Variants in DPP6 observed in about 807,000 individuals in gnomAD.
DPP6 encodes the protein dipeptidyl peptidase like 6, also known as A-type potassium channel modulatory protein DPP6.
DPP6 carries 69 observed loss-of-function variants against 122.6 expected under a neutral mutation model. The ratio of observed to expected loss-of-function variants is 0.56; its 90% CI spans 0.46 to 0.69. The LOEUF (loss-of-function observed/expected upper bound fraction) is 0.69, where lower values mean the gene tolerates loss of function less well. Among genes scored for constraint, DPP6 ranks in the 30% least tolerant of loss-of-function variants. The probability of loss-of-function intolerance (pLI) is 0.00; values close to 1 mark genes in which losing one functional copy is unlikely to be tolerated. For synonymous variants in DPP6, 418 were observed against 433.1 expected (o/e 0.97, Z 0.43); for missense variants, 928 against 1,116.9 (o/e 0.83, Z 2.41).
At chr7:154,292,437 C>T (rs932007525) in intron 1 of DPP6, among the ~76,000 whole-genome samples, 1 of 152,176 alleles carries the variant, frequency 6.6e-6, no homozygotes, top group Non-Finnish European at 1.5e-5. Context: ...TGTCAGCATT[C>T]GTCTGAGCAT....
At chr7:154,507,323 T>C (rs756230506) in intron 3 of DPP6, among the ~76,000 whole-genome samples, 1 of 152,082 alleles carries the variant, frequency 6.6e-6, no homozygotes, top group Non-Finnish European at 1.5e-5. Context: ...AGAATGTGCA[T>C]GTTTGTTACA....
chr7:153,948,854 A>G (rs2129020101), intron 1 of DPP6, among the ~76,000 whole-genome samples: 1 of 149,634 alleles, frequency 6.7e-6, no homozygotes, highest in Admixed American at 6.7e-5. Flanking sequence ...ATAAACAGGC[A>G]CAGGTAAAGA....
chr7:154,223,119 G>A (rs553462414), intron 1 of DPP6, among the ~76,000 whole-genome samples: 1 of 149,056 alleles, frequency 6.7e-6, no homozygotes, highest in South Asian at 2.1e-4. Context: ...ATTTTTGCAT[G>A]TACAAAGTCT....
chr7:154,179,424 C>A (rs912925979), intron 1 of DPP6, among the ~76,000 whole-genome samples: 9 of 152,130 alleles, frequency 5.9e-5, no homozygotes, highest in African/African-American at 2.2e-4. Flanking sequence ...CTTAGAATTT[C>A]TTTTACATTA....
intron 1 of DPP6, among the ~76,000 whole-genome samples, chr7:154,319,157 A>AT (rs1807699114): frequency 6.6e-6 from 1 of 152,190 alleles, no homozygotes; most frequent in South Asian, 2.1e-4. Flanking sequence ...AGTCTTACTG[A>AT]TTTTTTTACA....
intron 1 of DPP6, among the ~76,000 whole-genome samples, chr7:154,003,312 A>G (rs1797768538): frequency 6.6e-6 from 1 of 152,238 alleles, no homozygotes; most frequent in Non-Finnish European, 1.5e-5. Flanking sequence ...TGTCCCAGAT[A>G]ACAGGATGGA....
chr7:153,927,004 AT>A (rs1205041413), intron 1 of DPP6, among the ~76,000 whole-genome samples: 11,233 of 145,566 alleles, frequency 0.077, 408 homozygotes, highest in African/African-American at 0.093. Flanking sequence ...TTTAAGTTAA[AT>A]TTTTTTTTTT....
chr7:154,113,412 TAC>T (rs60229672), intron 1 of DPP6, among the ~76,000 whole-genome samples: 19,764 of 141,522 alleles, frequency 0.14, 1,429 homozygotes, highest in African/African-American at 0.35. Flanking sequence ...TATATATATA[TAC>T]ACACACACAC....
intron 1 of DPP6, among the ~76,000 whole-genome samples, chr7:154,108,553 A>G (rs1563207108): frequency 2.0e-5 from 3 of 152,280 alleles, no homozygotes; most frequent in East Asian, 1.9e-4. Flanking sequence ...TGCGGTGCCT[A>G]GCATCACCTG....
At chr7:154,077,763 C>G (rs1348709000) in intron 1 of DPP6, among the ~76,000 whole-genome samples, 2 of 151,680 alleles carry the variant, frequency 1.3e-5, no homozygotes, top group African/African-American at 4.8e-5. Flanking sequence ...CTCCGCCTCC[C>G]GGGTTCAAGC....
chr7:153,804,386 A>G, the DPP6 span, among the ~76,000 whole-genome samples: 86 of 152,090 alleles, frequency 5.7e-4, no homozygotes, highest in East Asian at 3.9e-3. Context: ...TGCTCTACTC[A>G]TGGTACCGTC....
chr7:154,306,869 C>G (rs544864599), intron 1 of DPP6, among the ~76,000 whole-genome samples: 2 of 152,286 alleles, frequency 1.3e-5, no homozygotes, highest in East Asian at 3.9e-4. Context: ...AAACCCTCCT[C>G]CTTTCAAAAA....
intron 1 of DPP6, among the ~76,000 whole-genome samples, chr7:154,302,002 A>G (rs1805941199): frequency 6.6e-6 from 1 of 152,060 alleles, no homozygotes; most frequent in African/African-American, 2.4e-5. Context: ...CATTTTTAGC[A>G]GAGACGGGGT....
chr7:154,834,031 G>A (rs2150529266), intron 16 of DPP6, among the ~76,000 whole-genome samples: 1 of 152,238 alleles, frequency 6.6e-6, no homozygotes, highest in Admixed American at 6.5e-5. Flanking sequence ...TTTCCAAACA[G>A]AAACAAGATG....
chr7:154,034,485 C>A (rs1223343188), intron 1 of DPP6, among the ~76,000 whole-genome samples: 3 of 152,082 alleles, frequency 2.0e-5, no homozygotes, highest in Non-Finnish European at 4.4e-5. Flanking sequence ...GCTGTGGTCC[C>A]CTGAAGCAAA....
intron 5 of DPP6, among the ~76,000 whole-genome samples, chr7:154,572,895 G>T (rs1051614122): frequency 5.3e-5 from 8 of 151,586 alleles, no homozygotes; most frequent in Non-Finnish European, 8.8e-5. Context: ...GGTTAGGCTG[G>T]TCTCAAACTC....
At chr7:154,793,243 A>C (rs777178124) in intron 10 of DPP6, among the ~76,000 whole-genome samples, 8 of 152,212 alleles carry the variant, frequency 5.3e-5, no homozygotes, top group Admixed American at 1.3e-4. Context: ...AACGCGCATT[A>C]GCTGGCTTCT....
chr7:154,842,735 T>C (rs1025218797), intron 16 of DPP6, among the ~76,000 whole-genome samples: 3 of 152,352 alleles, frequency 2.0e-5, no homozygotes, highest in Admixed American at 2.0e-4. Flanking sequence ...TGAGCCAAAA[T>C]AGTGTGTGTC....
the DPP6 span, among the ~76,000 whole-genome samples, chr7:153,769,072 C>T: frequency 0.019 from 2,852 of 152,200 alleles, 34 homozygotes; most frequent in African/African-American, 0.036. Flanking sequence ...GAAATTATGG[C>T]TCTGATTTAC....
Sources: gnomAD v4.1 joint callset for allele counts (sites outside exome capture counted in the v4.1 genomes callset) on GRCh38, gnomAD v4.1.1 for gene constraint, MANE v1.5 for transcripts, NCBI Gene and HGNC (gene_info 2026-07-23, HGNC 2026-07-21) for gene names.